Variants in BMPR1B observed in about 807,000 individuals in gnomAD.
BMPR1B encodes bone morphogenetic protein receptor type-1B.
In BMPR1B, 12 loss-of-function variants were observed where a neutral mutation model predicts 59.1. That is an observed-to-expected ratio of 0.20 (90% CI 0.13 to 0.33). BMPR1B has a LOEUF of 0.33. BMPR1B is among the 10% of genes least tolerant of loss of function. BMPR1B has a pLI of 1.00. For synonymous variants in BMPR1B, 237 were observed against 207.3 expected, an observed-to-expected ratio of 1.14 and a Z score of -1.23; for missense variants, 550 against 610.9, an observed-to-expected ratio of 0.90 and a Z score of 1.05.
At chr4:94,920,739 G>A (rs1173964032) in intron 2 of BMPR1B, among the ~76,000 whole-genome samples, 1 of 152,146 alleles carries the variant, frequency 6.6e-6, no homozygotes, top group Non-Finnish European at 1.5e-5. Flanking sequence ...CTATTTCAGA[G>A]AATACTCACT....
At chr4:94,862,101 T>TAA (rs565580056) in intron 1 of BMPR1B, among the ~76,000 whole-genome samples, 10,120 of 144,116 alleles carry the variant, frequency 0.07, 868 homozygotes, top group African/African-American at 0.21. Flanking sequence ...GAAAAGCCTT[T>TAA]AAAAAAAAAA....
intron 3 of BMPR1B, among the ~76,000 whole-genome samples, chr4:95,006,928 A>G (rs530360015): frequency 1.6e-3 from 236 of 152,232 alleles, no homozygotes; most frequent in African/African-American, 5.3e-3. Flanking sequence ...TACATGTCTA[A>G]AAGTTTGAGA....
intron 1 of BMPR1B, among the ~76,000 whole-genome samples, chr4:94,798,099 T>G (rs753494763): frequency 5.3e-5 from 8 of 152,226 alleles, no homozygotes; most frequent in East Asian, 1.9e-4. Flanking sequence ...TTAATCTTAT[T>G]TATAGATGAA....
chr4:94,853,025 T>C (rs1459169657), intron 1 of BMPR1B, among the ~76,000 whole-genome samples: 1 of 152,174 alleles, frequency 6.6e-6, no homozygotes, highest in African/African-American at 2.4e-5. Flanking sequence ...TAGAACCTAA[T>C]ATATTGTGGA....
chr4:94,930,750 T>C (rs1242382951), intron 2 of BMPR1B, among the ~76,000 whole-genome samples: 1 of 152,088 alleles, frequency 6.6e-6, no homozygotes, highest in African/African-American at 2.4e-5. Flanking sequence ...TGTTTTCAAG[T>C]AGGAAGTAAT....
rs1579182246 is a variant in BMPR1B at position 95,158,443 on chromosome 4, A to G, written c.*3770A>G. 1 of 152,062 alleles carries G rather than the reference A, an allele frequency of 6.6e-6. No individual in the cohort carries two copies. The highest frequency in any genetic ancestry group is 6.5e-5 in the Admixed American group (1 of 15,270). 9.4% of individuals were successfully genotyped at this position (152,062 alleles called of 1,614,324 possible). ...AAAATGGCTTCATTCTCCCCTTGGA[A>G]AAAAACATGACTGTTATGTTATAGT... On this transcript the variant is annotated 3_prime_UTR_variant, in exon 13 of 13. Transcript: ENST00000515059.
chr4:95,069,654 G>GT (rs1207288586), intron 3 of BMPR1B, among the ~76,000 whole-genome samples: 1 of 152,098 alleles, frequency 6.6e-6, no homozygotes, highest in Non-Finnish European at 1.5e-5. Context: ...TTTATTTACT[G>GT]TTTCTTTTTC....
chr4:94,793,123 C>T (rs891520202), intron 1 of BMPR1B, among the ~76,000 whole-genome samples: 20 of 152,020 alleles, frequency 1.3e-4, no homozygotes, highest in Admixed American at 1.0e-3. Flanking sequence ...CCCACTATCT[C>T]GTCATTTAGC....
intron 3 of BMPR1B, among the ~76,000 whole-genome samples, chr4:95,034,636 C>T (rs1725100747): frequency 7.5e-6 from 1 of 132,802 alleles, no homozygotes; most frequent in Non-Finnish European, 1.7e-5. Flanking sequence ...AGTAGTATTC[C>T]ATGTTTATAT....
At chr4:94,790,026 T>C (rs181455373) in intron 1 of BMPR1B, among the ~76,000 whole-genome samples, 2 of 152,270 alleles carry the variant, frequency 1.3e-5, no homozygotes, top group Non-Finnish European at 2.9e-5. Flanking sequence ...TTCCTTACGA[T>C]TTTCTTAATA....
chr4:94,836,242 C>A (rs1229799009), intron 1 of BMPR1B, among the ~76,000 whole-genome samples: 1 of 151,050 alleles, frequency 6.6e-6, no homozygotes, highest in African/African-American at 2.4e-5. Flanking sequence ...GTCTTTATAG[C>A]AGCATGATTT....
At chr4:95,131,880 G>A (rs146849000) in intron 10 of BMPR1B, among the ~76,000 whole-genome samples, 79 of 152,284 alleles carry the variant, frequency 5.2e-4, no homozygotes, top group African/African-American at 1.9e-3. Context: ...TTTTTATATG[G>A]TATAGGAAAG....
intron 2 of BMPR1B, among the ~76,000 whole-genome samples, chr4:94,911,759 A>G (rs1256824491): frequency 1.3e-5 from 2 of 152,172 alleles, no homozygotes; most frequent in South Asian, 2.1e-4. Context: ...TCTAAGGTAT[A>G]TAAAGCACTC....
chr4:95,013,737 G>GT (rs150939849), intron 3 of BMPR1B, among the ~76,000 whole-genome samples: 23,417 of 152,096 alleles, frequency 0.15, 2,410 homozygotes, highest in Non-Finnish European at 0.23. Context: ...CTAGATGTCT[G>GT]TTTCACTTGT....
At chr4:94,995,391 T>A (rs2149102274) in intron 2 of BMPR1B, among the ~76,000 whole-genome samples, 2 of 152,294 alleles carry the variant, frequency 1.3e-5, no homozygotes, top group South Asian at 4.1e-4. Context: ...TTGACATATT[T>A]TTTTGTGACC....
chr4:94,919,086 A>G (rs1392476974), intron 2 of BMPR1B, among the ~76,000 whole-genome samples: 1 of 152,022 alleles, frequency 6.6e-6, no homozygotes, highest in Non-Finnish European at 1.5e-5. Context: ...GTGATGCATC[A>G]TGTTATTTCT....
chr4:95,046,204 T>C (rs1192926057), intron 3 of BMPR1B, among the ~76,000 whole-genome samples: 1 of 152,168 alleles, frequency 6.6e-6, no homozygotes, highest in Non-Finnish European at 1.5e-5. Flanking sequence ...CAAACCACTG[T>C]GTCCGGCTTT....
chr4:95,104,367 C>G (rs1731046703), intron 3 of BMPR1B, 41 bp from the exon 4 acceptor site: 1 of 1,606,564 alleles, frequency 6.2e-7, no homozygotes, highest in Admixed American at 1.7e-5. Context: ...CTGGGGTAGT[C>G]TACCCCACAG....
intron 3 of BMPR1B, among the ~76,000 whole-genome samples, chr4:95,032,533 C>G (rs755239250): frequency 9.2e-5 from 14 of 152,042 alleles, no homozygotes; most frequent in African/African-American, 3.1e-4. Context: ...TCCTATTTTC[C>G]CTCTCCTAGC....
Sources: gnomAD v4.1 joint callset for allele counts (sites outside exome capture counted in the v4.1 genomes callset) on GRCh38, gnomAD v4.1.1 for gene constraint, MANE v1.5 for transcripts, NCBI Gene and HGNC (gene_info 2026-07-23, HGNC 2026-07-21) for gene names.